Variants in INF2 observed in about 807,000 individuals in gnomAD.
INF2 encodes inverted formin-2.
Under a neutral mutation model 123.5 loss-of-function variants are expected in INF2, and 43 were observed. The observed-to-expected ratio is 0.35, with a 90% CI of 0.27 to 0.45. The LOEUF is 0.45. Ranked by LOEUF, INF2 falls within the 20% of genes least tolerant of loss-of-function variation. The pLI is 1.00. For missense variants in INF2, 1,453 were observed against 1,682.7 expected (o/e 0.86, Z 2.39); for synonymous variants, 851 against 745.0 (o/e 1.14, Z -2.32).
chr14:104,699,918 C>T lies in INF2; in HGVS notation c.-9-1439C>T, dbSNP rs993307890. Among the ~76,000 whole-genome samples the T allele has an allele frequency of 6.6e-6, 1 of 152,124 alleles. No individual in the cohort carries two copies. Among genetic ancestry groups the T allele is most frequent in the Admixed American group, 6.5e-5 (1 of 15,280 alleles). On this transcript the variant is annotated intron_variant, in intron 1 of 22. Coordinates refer to ENST00000392634, the MANE Select transcript of INF2 (RefSeq NM_022489.4). This position sits in a 1 kb window ranked among gnomAD's most constrained non-coding sequence, Gnocchi z 4.7. ...CCTCCTGGAAGGAGCCCACTGGCCC[C>T]CTGGGGCAGTTGGACAGGTGGAGGG...
chr14:104,712,646 G>A, intron 17 of INF2, 93 bp downstream of exon 17: 1 of 1,573,002 alleles, frequency 6.4e-7, no homozygotes, highest in Non-Finnish European at 8.7e-7. Context: ...GCTCCAGGGT[G>A]GATCCTGGGG....
rs780602678 is a variant in INF2 at position 104,714,591 on chromosome 14, C to T, written c.3429C>T (p.Ala1143=). 5.6e-6 allele frequency: 9 copies of T among 1,612,596 alleles called. No individual in the cohort carries two copies. The highest frequency in any genetic ancestry group is 5.5e-5 in the South Asian group (5 of 91,086). ...CGTCCTTGCTGGGCGTCCTCCAGGC[C>T]GAGGCCGACAGCACAAGTGAGGGGC... ...DPTSLLGVLQ[A]EADSTSEGLE... is the part of the protein sequence containing the mutation. Residue 1143 remains alanine, a synonymous_variant, in exon 21 of 23, where the codon GCC becomes GCT. Transcript: ENST00000392634.
upstream of INF2, chr14:104,689,596 C>T: frequency 4.5e-6 from 3 of 660,792 alleles, no homozygotes; most frequent in Non-Finnish European, 5.6e-6. Context: ...TTCCTCCCGC[C>T]CGCCCCGCCC....
chr14:104,715,742 C>A (rs1890269211), intron 22 of INF2: 1 of 510,106 alleles, frequency 2.0e-6, no homozygotes, highest in African/African-American at 1.9e-5. Flanking sequence ...GTTCCAGTAA[C>A]CCTGTGGCTT....
At chr14:104,716,937 C>T (rs1000239808) in intron 22 of INF2, among the ~76,000 whole-genome samples, 3 of 152,202 alleles carry the variant, frequency 2.0e-5, no homozygotes, top group Admixed American at 2.0e-4. Flanking sequence ...GGTGATCCAC[C>T]CGCCTCGGCC....
chr14:104,681,711 C>G, intron 1 of INF2: 2 of 727,170 alleles, frequency 2.8e-6, no homozygotes, highest in Non-Finnish European at 2.0e-6. Flanking sequence ...GAGGGCAGCA[C>G]GCTGGTGCAG....
chr14:104,693,721 G>A (rs1162960958), intron 1 of INF2, among the ~76,000 whole-genome samples: 3 of 152,190 alleles, frequency 2.0e-5, no homozygotes, highest in African/African-American at 4.8e-5. Context: ...TCGCCGGGTC[G>A]GGGGTGGACG....
rs117653897 is a variant in INF2 at position 104,694,334 on chromosome 14, T to C, written c.-10+4595T>C. 1.3e-3 allele frequency among the ~76,000 whole-genome samples: 193 copies of C among 152,364 alleles called. 7 individuals are homozygous for C. The East Asian group carries it at 0.035, about 27-fold the overall frequency. On this transcript the variant is annotated intron_variant, in intron 1 of 22. Transcript: ENST00000392634. ...CAGCAAGCATTGCCAAGCGGCATGT[T>C]GCACCCACGCTGAGGATCTTGTTTG... is the stretch of plus-strand genomic sequence containing the variant.
rs544171369 is a variant in INF2, at chr14:104,707,729, C to T, written c.1462C>T (p.Pro488Ser). The T allele has an allele frequency of 2.3e-6, 3 of 1,291,562 alleles. No homozygotes were observed. Among genetic ancestry groups the T allele is most frequent in the African/African-American group, 1.6e-5 (1 of 64,464 alleles). The allele number at this position is 1,291,562 out of a possible 1,614,324, so 80.0% of individuals were successfully genotyped here. ...PPLPGSCEFL[P>S]PPPPPLPGLG... is the part of the protein sequence containing the mutation. ...CCTGCCAGGCTCCTGTGAGTTCCTG[C>T]CCCCACCACCTCCACCACTCCCGGG... Residue 488 changes from proline (P) to serine (S), a missense_variant, in exon 8 of 23, where the codon CCC becomes TCC. Physicochemically the swap from Pro to Ser is moderately conservative, Grantham distance 74. Around this residue, in one of 8 missense-constraint regions of INF2, gnomAD observed 374 missense variants for 303.7 expected, o/e 1.23. Coordinates refer to ENST00000392634, the MANE Select transcript of INF2 (RefSeq NM_022489.4).
rs937631227 is a variant in INF2, at chr14:104,709,816, C to T, written c.2138+111C>T. On this transcript the variant is annotated intron_variant, in intron 12 of 22. Transcript: ENST00000392634. ...AGAAGAGGCTGTGCCAATGGCTGCC[C>T]CGGGCTCCAGGAGCAGCATTGCAGC... 31 of 970,346 alleles carry T rather than the reference C, an allele frequency of 3.2e-5. No individual in the cohort carries two copies. The African/African-American group carries it at 4.0e-4, about 13-fold the overall frequency. The allele number at this position is 970,346 out of a possible 1,614,324, so 60.1% of individuals were successfully genotyped here.
At chr14:104,716,119 G>A (rs994351945) in intron 22 of INF2, 5 of 363,492 alleles carry the variant, frequency 1.4e-5, no homozygotes, top group East Asian at 7.3e-5. Context: ...GGTCCAGCCC[G>A]GCCGATCATG....
At chr14:104,705,791 C>T (rs571354300) in intron 5 of INF2, among the ~76,000 whole-genome samples, 7 of 152,344 alleles carry the variant, frequency 4.6e-5, no homozygotes, top group African/African-American at 1.4e-4. Flanking sequence ...TCCCCAGGGG[C>T]GTGCGGGTGC....
rs760664321 is a variant in INF2 at position 104,707,264 on chromosome 14, A to C, written c.997A>C (p.Thr333Pro). The C allele has an allele frequency of 1.6e-5, 25 of 1,608,874 alleles. No individual in the cohort carries two copies. The highest frequency in any genetic ancestry group is 2.0e-5 in the Non-Finnish European group (24 of 1,178,402). Residue 333 changes from threonine (T) to proline (P), a missense_variant, in exon 8 of 23, where the codon ACC becomes CCC. Thr to Pro is a conservative substitution (Grantham distance 38, BLOSUM62 -1). Coordinates refer to ENST00000392634, the MANE Select transcript of INF2 (RefSeq NM_022489.4). ...VLLASDAQEC[T>P]LEEVVERLLS... ...ATCCCCTACTGCAGCCCAGGAATGC[A>C]CCCTGGAGGAAGTGGTTGAGCGGCT... is the stretch of plus-strand genomic sequence containing the variant.
rs1405825619 is a variant in INF2, at chr14:104,716,837, C to T, written c.*1+1497C>T. Reference sequence around the variant, plus strand: ...TCCCGAGTAGCTGGGACCACAGGCACACGCCACCACGCGCGGCTAATTTTT... The same window carrying T: ...TCCCGAGTAGCTGGGACCACAGGCATACGCCACCACGCGCGGCTAATTTTT... On this transcript the variant is annotated intron_variant, in intron 22 of 22. Coordinates refer to ENST00000392634, the MANE Select transcript of INF2 (RefSeq NM_022489.4). Among the ~76,000 whole-genome samples, 3 of 152,208 alleles carry T rather than the reference C, an allele frequency of 2.0e-5. No homozygotes were observed. In the East Asian group the frequency reaches 5.8e-4, roughly 29 times the overall value.
Position 104,712,397 on chromosome 14 carries a change from C to T in INF2, c.2490-36C>T, listed in dbSNP as rs200621145. On this transcript the variant is annotated intron_variant, in intron 16 of 22. Coordinates refer to ENST00000392634, the MANE Select transcript of INF2 (RefSeq NM_022489.4). The stretch of plus-strand genomic sequence containing the variant: ...CTGTCCCAGCGAGGCTGACGTCAGC[C>T]GTTGCTGTCTCTGCCCGGCCCTCCT... The T allele has an allele frequency of 5.0e-5, 81 of 1,611,052 alleles. No homozygotes were observed. The African/African-American group carries it at 6.8e-4, about 14-fold the overall frequency.
chr14:104,684,031 T>G lies in INF2; in HGVS notation c.-104+2449T>G, dbSNP rs2140571705. ...GCTCCTCAAATTCCCAACACCAGGGTTGCAAGGCCCAGTGTCTTCTCACCT... is the reference window on the plus strand; with the variant it reads ...GCTCCTCAAATTCCCAACACCAGGGGTGCAAGGCCCAGTGTCTTCTCACCT... On this transcript the variant is annotated intron_variant, in intron 1 of 2. Transcript: ENST00000674723. This position sits in a 1 kb window ranked among gnomAD's most constrained non-coding sequence, Gnocchi z 5.0. The G allele has an allele frequency of 2.2e-6, 1 of 455,938 alleles. No individual in the cohort carries two copies. The highest frequency in any genetic ancestry group is 4.4e-6 in the Non-Finnish European group (1 of 226,732). The allele number at this position is 455,938 out of a possible 1,614,324, so 28.2% of individuals were successfully genotyped here.
Position 104,712,970 on chromosome 14 carries a change from A to T in INF2, c.2753A>T (p.Asp918Val). Residue 918 changes from aspartate (D) to valine (V), a missense_variant, in exon 18 of 23, where the codon GAC (aspartate) becomes GTC (valine). Coordinates refer to ENST00000392634, the MANE Select transcript of INF2 (RefSeq NM_022489.4). ...DTFSTMKAFR[D>V]LFLRALKENK... Reference sequence around the variant, plus strand: ...TTCAGCACCATGAAGGCTTTCCGGGACCTTTTCCTCCGCGCCCTGAAGGTG... The same window carrying T: ...TTCAGCACCATGAAGGCTTTCCGGGTCCTTTTCCTCCGCGCCCTGAAGGTG... 6.2e-7 allele frequency: 1 copy of T among 1,612,552 alleles called. No individual in the cohort carries two copies. Among genetic ancestry groups the T allele is most frequent in the Non-Finnish European group, 8.5e-7 (1 of 1,179,790 alleles).
intron 22 of INF2, chr14:104,715,633 C>T (rs1890265202): frequency 3.4e-6 from 2 of 593,370 alleles, no homozygotes; most frequent in Non-Finnish European, 6.1e-6. Context: ...GCCGGACTCC[C>T]TTAGCAAGCA....
At chr14:104,709,585 TG>T in intron 11 of INF2, 34 bp from the exon 12 acceptor site, 2 of 1,582,656 alleles carry the variant, frequency 1.3e-6, no homozygotes, top group Non-Finnish European at 1.7e-6. Context: ...GAAGCTGGCA[TG>T]GGGGGATCCC....
Sources: allele counts gnomAD v4.1 joint callset (sites outside exome capture counted in the v4.1 genomes callset), GRCh38; gene constraint gnomAD v4.1.1; regional missense constraint gnomAD v4.1.1; non-coding constraint Gnocchi (gnomAD v3.1); transcripts MANE v1.5; gene names NCBI Gene and HGNC (gene_info 2026-07-23, HGNC 2026-07-21).